The following EXOC4 variants were observed in gnomAD, a reference collection of about 807,000 sequenced individuals.
The protein encoded by EXOC4 is exocyst complex component 4.
A neutral mutation model predicts 107.2 loss-of-function variants in EXOC4; 71 were observed. That is an observed-to-expected ratio of 0.66 (90% CI 0.55 to 0.81). The LOEUF (loss-of-function observed/expected upper bound fraction) is 0.81. Among genes scored for constraint, EXOC4 ranks in the 30% least tolerant of loss-of-function variants. EXOC4 has a pLI of 0.00. For missense variants in EXOC4, 1,108 were observed against 1,189.6 expected (o/e 0.93, Z 1.01); for synonymous variants, 456 against 441.2 (o/e 1.03, Z -0.42).
intron 17 of EXOC4, chr7:134,009,801 G>C (rs1794724611): frequency 6.6e-6 from 1 of 151,956 alleles, no homozygotes; most frequent in African/African-American, 2.4e-5. Context: ...TTTTTATTTA[G>C]CTGAAATAAG....
At chr7:133,359,054 C>G (rs1796084094) in intron 6 of EXOC4, among the ~76,000 whole-genome samples, 1 of 152,092 alleles carries the variant, frequency 6.6e-6, no homozygotes, top group African/African-American at 2.4e-5. Flanking sequence ...TTTTATAAAA[C>G]ATACAAATTC....
intron 10 of EXOC4, among the ~76,000 whole-genome samples, chr7:133,667,142 T>C (rs536122605): frequency 3.2e-4 from 48 of 152,362 alleles, no homozygotes; most frequent in African/African-American, 1.1e-3. Context: ...CTATATCCAG[T>C]TTTATTGCCT....
intron 7 of EXOC4, among the ~76,000 whole-genome samples, chr7:133,375,211 C>T (rs1796462652): frequency 6.6e-6 from 1 of 152,244 alleles, no homozygotes; most frequent in Admixed American, 6.5e-5. Flanking sequence ...TGCAGTGGCT[C>T]ATTCCTGTAA....
intron 10 of EXOC4, among the ~76,000 whole-genome samples, chr7:133,785,233 A>G (rs1796544284): frequency 6.6e-6 from 1 of 152,096 alleles, no homozygotes; most frequent in Non-Finnish European, 1.5e-5. Flanking sequence ...TACATGGGTA[A>G]TTTCTAGAAT....
chr7:133,654,057 A>C (rs1367558074), intron 10 of EXOC4, among the ~76,000 whole-genome samples: 1 of 152,192 alleles, frequency 6.6e-6, no homozygotes, highest in Non-Finnish European at 1.5e-5. Context: ...TAGGGTTTCT[A>C]ATAGATGGAG....
In EXOC4 at chr7:133,713,657, T is replaced by G. The variant is rs546734044; in HGVS notation, c.1514+83516T>G. Among the ~76,000 whole-genome samples the G allele has an allele frequency of 3.3e-4, 51 of 152,248 alleles. No individual in the cohort carries two copies. The Middle Eastern group carries it at 0.01, about 30-fold the overall frequency. Reference sequence around the variant, plus strand: ...AAGGGAGAGACCAGGTGGAGGTAATTGAATCATGGGGGGTGGTTTCCCCTA... The same window carrying G: ...AAGGGAGAGACCAGGTGGAGGTAATGGAATCATGGGGGGTGGTTTCCCCTA... On this transcript the variant is annotated intron_variant, in intron 10 of 17. Coordinates refer to ENST00000253861, the MANE Select transcript of EXOC4 (RefSeq NM_021807.4).
chr7:134,033,574 A>G (rs1305189420), intron 17 of EXOC4, among the ~76,000 whole-genome samples: 2 of 152,146 alleles, frequency 1.3e-5, no homozygotes, highest in Non-Finnish European at 2.9e-5. Context: ...CCAAGATCCA[A>G]TTGGAGTCCG....
At chr7:133,662,475 T>C (rs1793715485) in intron 10 of EXOC4, among the ~76,000 whole-genome samples, 1 of 152,136 alleles carries the variant, frequency 6.6e-6, no homozygotes, top group Non-Finnish European at 1.5e-5. Flanking sequence ...AGAACAGTTT[T>C]GAGTAGAGCA....
At chr7:133,597,301 C>G (rs1801696511) in intron 9 of EXOC4, among the ~76,000 whole-genome samples, 1 of 152,174 alleles carries the variant, frequency 6.6e-6, no homozygotes, top group East Asian at 1.9e-4. Flanking sequence ...CGCCTGTAAT[C>G]CCAGCACTTT....
At chr7:133,941,851 C>CTCTCTCTCTCTCTCTCTCTCTCTCT in intron 14 of EXOC4, among the ~76,000 whole-genome samples, 8 of 151,782 alleles carry the variant, frequency 5.3e-5, no homozygotes, top group African/African-American at 7.3e-5. Context: ...CTCTCTCTCT[C>CTCTCTCTCTCTCTCTCTCTCTCTCT]GGATCTAAGT....
chr7:133,532,454 G>A (rs1239438220), intron 9 of EXOC4, among the ~76,000 whole-genome samples: 4 of 152,074 alleles, frequency 2.6e-5, no homozygotes, highest in African/African-American at 9.7e-5. Context: ...AAGAGTTGGT[G>A]CTTCGTTTTG....
chr7:133,659,467 T>C (rs910421305), intron 10 of EXOC4, among the ~76,000 whole-genome samples: 2 of 152,156 alleles, frequency 1.3e-5, no homozygotes, highest in Admixed American at 1.3e-4. Flanking sequence ...TGGTTTTATA[T>C]TGTTATTTGC....
At chr7:133,465,197 A>G (rs1261983539) in intron 7 of EXOC4, among the ~76,000 whole-genome samples, 1 of 152,174 alleles carries the variant, frequency 6.6e-6, no homozygotes, top group Non-Finnish European at 1.5e-5. Flanking sequence ...AAAGCAATGT[A>G]AATAGGTAGA....
chr7:133,907,387 TG>T (rs1799590517), intron 12 of EXOC4, among the ~76,000 whole-genome samples: 2 of 152,176 alleles, frequency 1.3e-5, no homozygotes, highest in Admixed American at 1.3e-4. Flanking sequence ...AAAAAAATAT[TG>T]TTTTTCAATT....
chr7:133,329,499 G>T (rs1044408145), intron 5 of EXOC4, among the ~76,000 whole-genome samples: 2 of 152,124 alleles, frequency 1.3e-5, no homozygotes, highest in African/African-American at 2.4e-5. Flanking sequence ...AGGAGAAGAG[G>T]CATTCTAGTT....
At chr7:133,827,714 C>T (rs79629559) in intron 11 of EXOC4, among the ~76,000 whole-genome samples, 4,196 of 152,242 alleles carry the variant, frequency 0.028, 96 homozygotes, top group Non-Finnish European at 0.039. Context: ...AGTTTAGATG[C>T]AACTTTTAAA....
At chr7:133,906,329 T>C (rs1447415901) in intron 12 of EXOC4, among the ~76,000 whole-genome samples, 1 of 152,200 alleles carries the variant, frequency 6.6e-6, no homozygotes, top group Admixed American at 6.5e-5. Context: ...CAGGACTAGC[T>C]GGATTTCTTG....
At chr7:133,591,868 G>C (rs1452776642) in intron 9 of EXOC4, among the ~76,000 whole-genome samples, 1 of 152,240 alleles carries the variant, frequency 6.6e-6, no homozygotes. Flanking sequence ...GTGGATACAG[G>C]TAGATACACA....
intron 10 of EXOC4, among the ~76,000 whole-genome samples, chr7:133,639,444 C>T (rs1802798145): frequency 6.6e-6 from 1 of 152,000 alleles, no homozygotes; most frequent in Non-Finnish European, 1.5e-5. Context: ...AAGTATTTTT[C>T]ATTTCATGGT....
Sources: allele counts gnomAD v4.1 joint callset (sites outside exome capture counted in the v4.1 genomes callset), GRCh38; gene constraint gnomAD v4.1.1; transcripts MANE v1.5; gene names NCBI Gene and HGNC (gene_info 2026-07-23, HGNC 2026-07-21).